Variants in BCL2L13 observed in about 807,000 individuals in gnomAD.
BCL2L13 encodes BCL2 like 13.
A neutral mutation model predicts 25.8 loss-of-function variants in BCL2L13; 13 were observed. The observed-to-expected ratio is 0.50, with a 90% CI of 0.33 to 0.80. BCL2L13 has a LOEUF of 0.80. BCL2L13 is among the 30% of genes least tolerant of loss of function. The pLI, the probability that BCL2L13 is intolerant of heterozygous loss-of-function variation, is 0.02. For missense variants in BCL2L13, 504 were observed against 574.9 expected, an observed-to-expected ratio of 0.88 and a Z score of 1.26; for synonymous variants, 244 against 230.3, an observed-to-expected ratio of 1.06 and a Z score of -0.54.
intron 6 of BCL2L13, among the ~76,000 whole-genome samples, chr22:17,715,142 ATATATATATATATATATATATATATATAT>A (rs1204204415): frequency 0.037 from 122 of 3,324 alleles, 7 homozygotes; most frequent in African/African-American, 0.07. Context: ...ATATATATAT[ATATATATATATATATATATATATATATAT>A]TTTTTTTTTT....
chr22:17,674,772 TAC>T (rs1568957738), intron 2 of BCL2L13, among the ~76,000 whole-genome samples: 1 of 152,156 alleles, frequency 6.6e-6, no homozygotes, highest in Non-Finnish European at 1.5e-5. Flanking sequence ...TGTAACATGC[TAC>T]TGCATCTGGC....
chr22:17,663,185 T>C (rs934146554), intron 2 of BCL2L13, among the ~76,000 whole-genome samples: 2 of 152,184 alleles, frequency 1.3e-5, no homozygotes, highest in Non-Finnish European at 2.9e-5. Context: ...TAAATGTTCT[T>C]ATCCATAAAT....
At chr22:17,668,375 G>A (rs1177729080) in intron 2 of BCL2L13, among the ~76,000 whole-genome samples, 1 of 151,660 alleles carries the variant, frequency 6.6e-6, no homozygotes, top group African/African-American at 2.4e-5. Context: ...GCTAATACAA[G>A]GTCATGTACA....
At chr22:17,659,855 T>TTTTA (rs2059011375) in intron 2 of BCL2L13, among the ~76,000 whole-genome samples, 1 of 145,972 alleles carries the variant, frequency 6.9e-6, no homozygotes, top group Non-Finnish European at 1.6e-5. Flanking sequence ...TTATTCTTAT[T>TTTTA]TTTATTTATT....
intron 1 of BCL2L13, among the ~76,000 whole-genome samples, chr22:17,630,027 T>C (rs2057973164): frequency 6.6e-6 from 1 of 151,928 alleles, no homozygotes; most frequent in Admixed American, 6.6e-5. Context: ...GAGACCAGCC[T>C]GACCAACATG....
intron 2 of BCL2L13, among the ~76,000 whole-genome samples, chr22:17,668,555 G>A (rs2059310846): frequency 6.6e-6 from 1 of 150,690 alleles, no homozygotes; most frequent in Non-Finnish European, 1.5e-5. Flanking sequence ...CTGGGTTCAA[G>A]CAATTCTCCT....
At chr22:17,640,969 C>T (rs1342894827) in intron 1 of BCL2L13, among the ~76,000 whole-genome samples, 2 of 151,534 alleles carry the variant, frequency 1.3e-5, no homozygotes, top group Middle Eastern at 3.4e-3. Flanking sequence ...CGGCTCACTG[C>T]AAGCTCTGCC....
Position 17,659,345 on chromosome 22 carries a change from C to G in BCL2L13, c.121+3513C>G, listed in dbSNP as rs139836294. Among the ~76,000 whole-genome samples the G allele has an allele frequency of 7.3e-3, 1,067 of 145,932 alleles. 43 individuals are homozygous for G. The highest frequency in any genetic ancestry group is 0.024 in the African/African-American group (972 of 41,156). ...TGCCATTGCACTTCAGCCTGGGTGA[C>G]AGAGCGAGACTTCGTCTCAAAAAAC... is the stretch of plus-strand genomic sequence containing the variant. On this transcript the variant is annotated intron_variant, in intron 2 of 6. Transcript: ENST00000317582.
intron 6 of BCL2L13, among the ~76,000 whole-genome samples, chr22:17,718,224 G>C (rs2061001915): frequency 6.6e-6 from 1 of 152,044 alleles, no homozygotes; most frequent in South Asian, 2.1e-4. Flanking sequence ...TTGATGGAAG[G>C]GAAGAGATGT....
intron 1 of BCL2L13, among the ~76,000 whole-genome samples, chr22:17,640,048 TTCA>T (rs1355936578): frequency 1.3e-5 from 2 of 152,222 alleles, no homozygotes; most frequent in African/African-American, 4.8e-5. Context: ...GAGACGGGGT[TTCA>T]TCATGTTGGT....
intron 5 of BCL2L13, among the ~76,000 whole-genome samples, chr22:17,700,764 C>G (rs954722267): frequency 6.6e-6 from 1 of 152,108 alleles, no homozygotes; most frequent in African/African-American, 2.4e-5. Context: ...GGCTGGAGTG[C>G]CTTTAGAATG....
In BCL2L13 at chr22:17,727,907, G is replaced by A. The variant is rs1328117383; in HGVS notation, c.*373G>A. ...GCACCCCCTCCCAGAGATGACAAAC[G>A]AAAATGTCTCTAGACATTGCCAAAT... On this transcript the variant is annotated 3_prime_UTR_variant, in exon 7 of 7. Transcript: ENST00000317582. The A allele has an allele frequency of 2.4e-5, 6 of 252,200 alleles. No homozygotes were observed. The highest frequency in any genetic ancestry group is 1.5e-4 in the South Asian group (2 of 13,380). The allele number at this position is 252,200 out of a possible 1,614,324, so 15.6% of individuals were successfully genotyped here.
intron 2 of BCL2L13, among the ~76,000 whole-genome samples, chr22:17,673,162 GT>G (rs1406747012): frequency 1.3e-5 from 2 of 152,094 alleles, no homozygotes; most frequent in Admixed American, 1.3e-4. Context: ...AACCTGTAAA[GT>G]TCTATGATTC....
chr22:17,727,334 A>G lies in BCL2L13; in HGVS notation c.1258A>G (p.Ser420Gly). The change falls in exon 7 of 7, where the codon AGC becomes GGC. Residue 420 changes from serine to glycine, a missense_variant. Transcript: ENST00000317582. The part of the protein sequence containing the change: ...SEKEINAREE[S>G]LVEELSPASE... ...GAAGGAGATAAACGCAAGGGAAGAG[A>G]GCCTTGTGGAAGAGCTGTCCCCTGC... is the stretch of plus-strand genomic sequence containing the variant. 6.2e-7 allele frequency: 1 copy of G among 1,614,206 alleles called. No individual in the cohort carries two copies. Among genetic ancestry groups the G allele is most frequent in the Non-Finnish European group, 8.5e-7 (1 of 1,180,038 alleles).
intron 6 of BCL2L13, among the ~76,000 whole-genome samples, chr22:17,707,915 A>G (rs2060637526): frequency 6.6e-6 from 1 of 152,192 alleles, no homozygotes; most frequent in Non-Finnish European, 1.5e-5. Flanking sequence ...ACAAAAAAAT[A>G]CAATCAATAT....
intron 1 of BCL2L13, among the ~76,000 whole-genome samples, chr22:17,644,621 C>T (rs768158033): frequency 1.6e-4 from 24 of 151,224 alleles, no homozygotes; most frequent in Non-Finnish European, 3.1e-4. Flanking sequence ...TGAGCCACCA[C>T]GCCCGACTGC....
At chr22:17,646,948 TATA>T (rs1321719000) in intron 1 of BCL2L13, among the ~76,000 whole-genome samples, 141 of 36,702 alleles carry the variant, frequency 3.8e-3, no homozygotes, top group African/African-American at 0.015. Flanking sequence ...TATATATATA[TATA>T]TATATTTTTT....
At chr22:17,672,012 C>G (rs2059434134) in intron 2 of BCL2L13, among the ~76,000 whole-genome samples, 1 of 152,210 alleles carries the variant, frequency 6.6e-6, no homozygotes, top group Non-Finnish European at 1.5e-5. Flanking sequence ...CTGTGCCCGG[C>G]CAACATCTGG....
At chr22:17,700,568 C>A (rs2060403206) in intron 5 of BCL2L13, among the ~76,000 whole-genome samples, 1 of 152,176 alleles carries the variant, frequency 6.6e-6, no homozygotes, top group Non-Finnish European at 1.5e-5. Context: ...TAAGTTGATA[C>A]ACAGGTTAGC....
Sources: gnomAD v4.1 joint callset for allele counts (sites outside exome capture counted in the v4.1 genomes callset) on GRCh38, gnomAD v4.1.1 for gene constraint, MANE v1.5 for transcripts, NCBI Gene and HGNC (gene_info 2026-07-23, HGNC 2026-07-21) for gene names.